CCDC7: variants seen among roughly 807,000 people sequenced by gnomAD.
CCDC7 encodes the protein coiled-coil domain-containing protein 7.
Under a neutral mutation model 196.9 loss-of-function variants are expected in CCDC7, and 183 were observed. The observed-to-expected ratio is 0.93, with a 90% confidence interval of 0.82 to 1.05. The LOEUF (loss-of-function observed/expected upper bound fraction) is 1.05. Among genes scored for constraint, CCDC7 ranks in the 50% least tolerant of loss-of-function variants. CCDC7 has a pLI of 0.00. For missense variants in CCDC7, 1,540 were observed against 1,482.2 expected, an observed-to-expected ratio of 1.04 and a Z score of -0.64; for synonymous variants, 525 against 484.6, an observed-to-expected ratio of 1.08 and a Z score of -1.10.
chr10:32,845,206 C>A, intron 33 of CCDC7, 37 bp from the exon 35 acceptor site: 1 of 1,311,656 alleles, frequency 7.6e-7, no homozygotes, highest in South Asian at 1.4e-5. Context: ...TAATGTTTAC[C>A]TTTCAAAATA....
At chr10:32,855,468 C>G (rs1013709623) in intron 41 of CCDC7, among the ~76,000 whole-genome samples, 1 of 152,170 alleles carries the variant, frequency 6.6e-6, no homozygotes, top group African/African-American at 2.4e-5. Context: ...TAGGTGGTCC[C>G]ATCTGGGGGT....
intron 20 of CCDC7, among the ~76,000 whole-genome samples, chr10:32,647,269 G>A (rs1369441286): frequency 6.6e-6 from 1 of 152,190 alleles, no homozygotes; most frequent in Non-Finnish European, 1.5e-5. Flanking sequence ...CACTTTGGGA[G>A]GCTGAGGTGG....
chr10:32,585,010 T>A (rs1564736385), intron 18 of CCDC7, among the ~76,000 whole-genome samples: 1 of 152,146 alleles, frequency 6.6e-6, no homozygotes, highest in Non-Finnish European at 1.5e-5. Flanking sequence ...AGATATTTTT[T>A]TCTTCCTTTC....
chr10:32,646,876 C>G (rs1288941968), intron 20 of CCDC7, among the ~76,000 whole-genome samples: 6 of 152,268 alleles, frequency 3.9e-5, no homozygotes, highest in African/African-American at 1.2e-4. Context: ...GGATTATGCC[C>G]TCCAGCTCCA....
chr10:32,732,865 A>G (rs1296597586), intron 28 of CCDC7, among the ~76,000 whole-genome samples: 1 of 152,012 alleles, frequency 6.6e-6, no homozygotes, highest in East Asian at 1.9e-4. Flanking sequence ...GCAGAACACA[A>G]TTTTTCACCA....
At chr10:32,732,949 T>C (rs1405104725) in intron 28 of CCDC7, among the ~76,000 whole-genome samples, 1 of 152,154 alleles carries the variant, frequency 6.6e-6, no homozygotes, top group Non-Finnish European at 1.5e-5. Context: ...AGTTCTTTTT[T>C]AAATCCAATG....
chr10:32,499,761 T>C (rs1564466513), intron 9 of CCDC7, among the ~76,000 whole-genome samples: 1 of 152,166 alleles, frequency 6.6e-6, no homozygotes, highest in Non-Finnish European at 1.5e-5. Context: ...CCTTCCGCAG[T>C]GTTTGTGTCC....
intron 18 of CCDC7, among the ~76,000 whole-genome samples, chr10:32,616,184 C>T (rs1015673046): frequency 2.3e-4 from 35 of 151,942 alleles, no homozygotes; most frequent in Non-Finnish European, 4.4e-4. Context: ...ATTATTTTAT[C>T]GAATTCTATG....
At chr10:32,669,950 G>C (rs2073721899) in intron 21 of CCDC7, among the ~76,000 whole-genome samples, 1 of 152,122 alleles carries the variant, frequency 6.6e-6, no homozygotes, top group African/African-American at 2.4e-5. Context: ...ATTATAATCA[G>C]ACGTTTGCTT....
At chr10:32,495,247 T>C (rs1246828551) in intron 9 of CCDC7, among the ~76,000 whole-genome samples, 2 of 152,258 alleles carry the variant, frequency 1.3e-5, no homozygotes, top group African/African-American at 4.8e-5. Flanking sequence ...GTTTGTTTTT[T>C]TCTTGTAAAT....
intron 18 of CCDC7, among the ~76,000 whole-genome samples, chr10:32,605,017 T>A (rs1310266209): frequency 6.6e-6 from 1 of 152,154 alleles, no homozygotes; most frequent in African/African-American, 2.4e-5. Context: ...TGGGGTCTGG[T>A]AGGATGTGTT....
chr10:32,610,027 T>TGC (rs1365435555), intron 18 of CCDC7, among the ~76,000 whole-genome samples: 2 of 141,034 alleles, frequency 1.4e-5, no homozygotes, highest in African/African-American at 5.9e-5. Context: ...TGTGTATGTA[T>TGC]GAGTGTGTGT....
At chr10:32,647,813 C>T (rs1009664161) in intron 20 of CCDC7, among the ~76,000 whole-genome samples, 1 of 152,170 alleles carries the variant, frequency 6.6e-6, no homozygotes, top group African/African-American at 2.4e-5. Context: ...TTTTACTGTG[C>T]AGAAGTTCTT....
At chr10:32,706,575 A>G (rs1364573252) in intron 24 of CCDC7, among the ~76,000 whole-genome samples, 1 of 152,042 alleles carries the variant, frequency 6.6e-6, no homozygotes, top group Non-Finnish European at 1.5e-5. Flanking sequence ...ATGGCTAGCA[A>G]GACTAATAAA....
At chr10:32,669,131 G>GT (rs777060948) in intron 21 of CCDC7, among the ~76,000 whole-genome samples, 24 of 152,026 alleles carry the variant, frequency 1.6e-4, no homozygotes, top group Admixed American at 1.2e-3. Flanking sequence ...TTTACTGGAT[G>GT]TTTTTTCTGC....
At chr10:32,524,071 C>CTTT (rs35310138) in intron 11 of CCDC7, among the ~76,000 whole-genome samples, 7 of 136,826 alleles carry the variant, frequency 5.1e-5, no homozygotes, top group Non-Finnish European at 9.4e-5. Flanking sequence ...TTCCTTCTGT[C>CTTT]TTTTTTTTTT....
At chr10:32,700,154 C>T (rs952809685) in intron 24 of CCDC7, among the ~76,000 whole-genome samples, 6 of 149,438 alleles carry the variant, frequency 4.0e-5, no homozygotes, top group Admixed American at 3.9e-4. Flanking sequence ...AATGGTATTG[C>T]CTAGGTTTTC....
intron 11 of CCDC7, 84 bp downstream of exon 12, chr10:32,518,589 TG>T: frequency 9.5e-7 from 1 of 1,050,388 alleles, no homozygotes; most frequent in Non-Finnish European, 1.3e-6. Flanking sequence ...GCTATTTAAA[TG>T]TTATATAATA....
At chr10:32,610,294 C>T (rs1000541343) in intron 18 of CCDC7, among the ~76,000 whole-genome samples, 5 of 151,934 alleles carry the variant, frequency 3.3e-5, no homozygotes, top group Non-Finnish European at 5.9e-5. Flanking sequence ...TTAGTAGAGA[C>T]GGGATTTCAC....
Sources: allele counts gnomAD v4.1 joint callset (sites outside exome capture counted in the v4.1 genomes callset), GRCh38; gene constraint gnomAD v4.1.1; transcripts MANE v1.5; gene names NCBI Gene and HGNC (gene_info 2026-07-23, HGNC 2026-07-21).